TRMT11: variants seen among roughly 807,000 people sequenced by gnomAD.
TRMT11 encodes the protein tRNA (guanine(10)-N(2))-methyltransferase TRMT11.
TRMT11 carries 53 observed loss-of-function variants against 62.8 expected under a neutral mutation model. That is an observed-to-expected ratio of 0.84 (90% confidence interval 0.68 to 1.06). The LOEUF is 1.06. Ranked by LOEUF, TRMT11 falls within the 50% of genes least tolerant of loss-of-function variation. TRMT11 has a pLI of 0.00. For missense variants in TRMT11, 556 were observed against 553.4 expected, an observed-to-expected ratio of 1.00 and a Z score of -0.05; for synonymous variants, 188 against 190.3, an observed-to-expected ratio of 0.99 and a Z score of 0.10.
At chr6:126,255,884 T>C in the TRMT11 span, among the ~76,000 whole-genome samples, 1 of 152,198 alleles carries the variant, frequency 6.6e-6, no homozygotes, top group African/African-American at 2.4e-5. Context: ...TATCTAATGC[T>C]GTGTGACAAG....
intron 21 of TRMT11, among the ~76,000 whole-genome samples, chr6:126,151,889 T>C (rs575752875): frequency 2.6e-5 from 2 of 77,344 alleles, no homozygotes; most frequent in East Asian, 2.4e-4. Context: ...TCCTTCCTTG[T>C]CTTTTTCTTT....
chr6:126,111,083 A>G (rs1777526006), intron 17 of TRMT11, among the ~76,000 whole-genome samples: 1 of 152,018 alleles, frequency 6.6e-6, no homozygotes, highest in Non-Finnish European at 1.5e-5. Context: ...ATTTCCAAGA[A>G]CCCTGGGAGG....
chr6:126,204,508 C>A (rs578158217), downstream of TRMT11, among the ~76,000 whole-genome samples: 39 of 152,318 alleles, frequency 2.6e-4, no homozygotes, highest in African/African-American at 9.4e-4. Context: ...CCTGACAAGT[C>A]CGCTTAGCTC....
chr6:126,089,575 G>T (rs1777251441), intron 17 of TRMT11, among the ~76,000 whole-genome samples: 1 of 152,182 alleles, frequency 6.6e-6, no homozygotes, highest in Non-Finnish European at 1.5e-5. Flanking sequence ...GGTCTGTTCA[G>T]TTGCAAAGTT....
chr6:126,015,920 C>A (rs560330429), intron 11 of TRMT11, among the ~76,000 whole-genome samples: 1 of 152,302 alleles, frequency 6.6e-6, no homozygotes, highest in South Asian at 2.1e-4. Context: ...AGGAATACCA[C>A]AAACATGATC....
chr6:126,263,450 A>T, the TRMT11 span, among the ~76,000 whole-genome samples: 1 of 152,186 alleles, frequency 6.6e-6, no homozygotes, highest in African/African-American at 2.4e-5. Context: ...TTAAAATGTT[A>T]CAACACAAAA....
chr6:126,150,342 A>C (rs1242211695), intron 21 of TRMT11, among the ~76,000 whole-genome samples: 8 of 152,180 alleles, frequency 5.3e-5, no homozygotes, highest in Admixed American at 5.2e-4. Context: ...TAGAAGAAAC[A>C]AATGTCAGTT....
chr6:126,226,898 C>T, the TRMT11 span, among the ~76,000 whole-genome samples: 1 of 152,138 alleles, frequency 6.6e-6, no homozygotes, highest in Admixed American at 6.6e-5. Context: ...CTGTGCTGTT[C>T]TCATGACAGT....
intron 8 of TRMT11, among the ~76,000 whole-genome samples, chr6:126,009,979 C>T (rs969557214): frequency 3.3e-5 from 5 of 151,928 alleles, no homozygotes; most frequent in Non-Finnish European, 7.4e-5. Context: ...GTTCTGAACT[C>T]TTACTTTATC....
the TRMT11 span, among the ~76,000 whole-genome samples, chr6:126,243,840 A>T: frequency 6.6e-6 from 1 of 152,184 alleles, no homozygotes; most frequent in East Asian, 1.9e-4. Context: ...GTAAATGACG[A>T]GTTCATGGGT....
At chr6:126,110,852 G>T (rs1443229147) in intron 17 of TRMT11, among the ~76,000 whole-genome samples, 1 of 152,128 alleles carries the variant, frequency 6.6e-6, no homozygotes, top group Non-Finnish European at 1.5e-5. Flanking sequence ...CCCCTGGACA[G>T]ACCCTGGAAC....
chr6:126,121,849 C>A (rs895184867), intron 21 of TRMT11, among the ~76,000 whole-genome samples: 7 of 151,978 alleles, frequency 4.6e-5, no homozygotes, highest in Non-Finnish European at 8.8e-5. Flanking sequence ...CTCATAACCA[C>A]CCCCCACTCC....
chr6:126,157,931 AT>A, intron 21 of TRMT11, among the ~76,000 whole-genome samples: 1 of 152,244 alleles, frequency 6.6e-6, no homozygotes, highest in East Asian at 1.9e-4. Context: ...TGCTTAGTAA[AT>A]TTTAAGGCAA....
At chr6:126,141,345 ATCAG>A (rs558797634) in intron 21 of TRMT11, among the ~76,000 whole-genome samples, 118 of 152,278 alleles carry the variant, frequency 7.7e-4, no homozygotes, top group Admixed American at 3.0e-3. Flanking sequence ...AATCAATGTA[ATCAG>A]TCAAATAAGT....
chr6:126,121,931 G>A (rs1355462873), intron 21 of TRMT11, among the ~76,000 whole-genome samples: 1 of 151,976 alleles, frequency 6.6e-6, no homozygotes, highest in Non-Finnish European at 1.5e-5. Flanking sequence ...GATATGGTTT[G>A]GCAGTGTCCC....
intron 21 of TRMT11, among the ~76,000 whole-genome samples, chr6:126,142,582 A>G (rs902778732): frequency 6.6e-6 from 1 of 152,122 alleles, no homozygotes; most frequent in Non-Finnish European, 1.5e-5. Flanking sequence ...AGCTGTATTA[A>G]TTTGATGAAG....
At chr6:126,248,483 G>A in the TRMT11 span, among the ~76,000 whole-genome samples, 1 of 151,730 alleles carries the variant, frequency 6.6e-6, no homozygotes, top group Non-Finnish European at 1.5e-5. Context: ...ATGGAGGGAA[G>A]AAATTGTAAA....
the TRMT11 span, among the ~76,000 whole-genome samples, chr6:126,219,558 T>C: frequency 2.0e-5 from 3 of 152,326 alleles, no homozygotes; most frequent in South Asian, 6.2e-4. Flanking sequence ...CTTCCCGTGA[T>C]TTCTAAAATC....
chr6:126,119,679 C>T (rs769651825), intron 21 of TRMT11, among the ~76,000 whole-genome samples: 1 of 151,942 alleles, frequency 6.6e-6, no homozygotes, highest in Non-Finnish European at 1.5e-5. Context: ...TCCTATGGAA[C>T]ATATATCCTA....
Sources: allele counts gnomAD v4.1 joint callset (sites outside exome capture counted in the v4.1 genomes callset), GRCh38; gene constraint gnomAD v4.1.1; transcripts MANE v1.5; gene names NCBI Gene and HGNC (gene_info 2026-07-23, HGNC 2026-07-21).